The following LRP1B variants were observed in gnomAD, a reference collection of about 807,000 sequenced individuals.
The protein encoded by LRP1B is LDL receptor related protein 1B.
In LRP1B, 217 loss-of-function variants were observed where a neutral mutation model predicts 556.6. The observed-to-expected ratio is 0.39, with a 90% CI of 0.35 to 0.44. The LOEUF is 0.44. Among genes scored for constraint, LRP1B ranks in the 20% least tolerant of loss-of-function variants. The probability of loss-of-function intolerance (pLI) is 1.00; values close to 1 mark genes in which losing one functional copy is unlikely to be tolerated. For synonymous variants in LRP1B, 2,047 were observed against 1,865.8 expected, an observed-to-expected ratio of 1.10 and a Z score of -2.50; for missense variants, 5,053 against 5,620.8, an observed-to-expected ratio of 0.90 and a Z score of 3.23.
At chr2:141,192,390 G>A (rs1474836116) in intron 6 of LRP1B, among the ~76,000 whole-genome samples, 3 of 151,966 alleles carry the variant, frequency 2.0e-5, no homozygotes, top group Non-Finnish European at 2.9e-5. Context: ...ATTTTTAGGA[G>A]CGAAGTGAAT....
At chr2:140,889,172 GAAT>G (rs1312118863) in intron 23 of LRP1B, among the ~76,000 whole-genome samples, 1 of 152,148 alleles carries the variant, frequency 6.6e-6, no homozygotes, top group Non-Finnish European at 1.5e-5. Context: ...TAGTAATTGA[GAAT>G]ATTAAGAAAA....
intron 18 of LRP1B, among the ~76,000 whole-genome samples, chr2:140,954,600 C>A (rs768457742): frequency 3.3e-5 from 5 of 151,892 alleles, no homozygotes; most frequent in Non-Finnish European, 7.4e-5. Context: ...TAGATTTTAA[C>A]ACTAAAAAAC....
intron 2 of LRP1B, among the ~76,000 whole-genome samples, chr2:141,510,446 G>A (rs1684085041): frequency 6.6e-6 from 1 of 151,936 alleles, no homozygotes; most frequent in Non-Finnish European, 1.5e-5. Flanking sequence ...AAAATCCTAA[G>A]TTCCTTGGAT....
At chr2:140,533,202 G>A (rs1245130683) in intron 47 of LRP1B, among the ~76,000 whole-genome samples, 1 of 151,428 alleles carries the variant, frequency 6.6e-6, no homozygotes, top group East Asian at 1.9e-4. Context: ...TCCATTAAAA[G>A]TTTCTTTATC....
chr2:141,129,528 A>C (rs1351793605), intron 7 of LRP1B, among the ~76,000 whole-genome samples: 1 of 151,336 alleles, frequency 6.6e-6, no homozygotes, highest in Non-Finnish European at 1.5e-5. Context: ...AAACTAAGAT[A>C]AAAGCTGGCT....
At chr2:141,108,831 G>A (rs571208480) in intron 7 of LRP1B, among the ~76,000 whole-genome samples, 1 of 152,196 alleles carries the variant, frequency 6.6e-6, no homozygotes, top group South Asian at 2.1e-4. Flanking sequence ...AGGTATGTGG[G>A]CCAAGCTTCC....
At chr2:140,597,094 T>C (rs1193966170) in intron 43 of LRP1B, among the ~76,000 whole-genome samples, 1 of 152,150 alleles carries the variant, frequency 6.6e-6, no homozygotes, top group Non-Finnish European at 1.5e-5. Context: ...AAAAATTAAT[T>C]TGAATTCATA....
intron 35 of LRP1B, among the ~76,000 whole-genome samples, chr2:140,737,665 C>T (rs1283612323): frequency 6.6e-6 from 1 of 152,146 alleles, no homozygotes; most frequent in Non-Finnish European, 1.5e-5. Flanking sequence ...CCCAGATGGT[C>T]AAGACTGTAA....
Position 141,480,551 on chromosome 2 carries a change from A to AG in LRP1B, c.206-19dup. ...CTCGGGACCTGAAAAGATGTAAAAA[A>AG]GAACAGAATTATGTGTTAGCTTTTC... On this transcript the variant is annotated intron_variant, in intron 2 of 90. Transcript: ENST00000389484. The AG allele has an allele frequency of 6.2e-7, 1 of 1,613,540 alleles. No homozygotes were observed. The highest frequency in any genetic ancestry group is 8.5e-7 in the Non-Finnish European group (1 of 1,179,530).
chr2:141,091,170 G>A (rs1211572701), intron 7 of LRP1B, among the ~76,000 whole-genome samples: 1 of 151,246 alleles, frequency 6.6e-6, no homozygotes, highest in African/African-American at 2.4e-5. Context: ...ATCAGATAAA[G>A]AGAGAGAGAG....
intron 35 of LRP1B, among the ~76,000 whole-genome samples, chr2:140,729,240 A>AT (rs1687695804): frequency 6.6e-6 from 1 of 152,108 alleles, no homozygotes; most frequent in African/African-American, 2.4e-5. Context: ...ATCGCCTGTG[A>AT]TTTTTTAAAC....
chr2:142,104,725 G>C (rs1179917405), intron 1 of LRP1B, among the ~76,000 whole-genome samples: 3 of 152,082 alleles, frequency 2.0e-5, no homozygotes, highest in Non-Finnish European at 4.4e-5. Flanking sequence ...CTCATTCCAG[G>C]AAATAGTAAC....
rs762600641 is a variant in LRP1B, at chr2:140,501,861, G to C, written c.8676C>G (p.Asn2892Lys). 3.8e-6 allele frequency: 6 copies of C among 1,598,742 alleles called. No homozygotes were observed. Among genetic ancestry groups the C allele is most frequent in the Non-Finnish European group, 5.1e-6 (6 of 1,172,008 alleles). The change falls in exon 55 of 91, where the codon AAC becomes AAG. Residue 2892 changes from asparagine to lysine, a missense_variant. Asn to Lys is a moderately conservative substitution (Grantham distance 94). Coordinates refer to ENST00000389484, the MANE Select transcript of LRP1B (RefSeq NM_018557.3). ...CATTTTTGCACATAAAAAATGAACT[G>C]TTGCATGACTGTTCTGGAAAAAAAA... ...PKCKSAEQSCNSSFFMCKNGR... is the reference protein window; with the variant it reads ...PKCKSAEQSCKSSFFMCKNGR...
intron 7 of LRP1B, among the ~76,000 whole-genome samples, chr2:141,170,103 G>T (rs1211221311): frequency 6.6e-6 from 1 of 152,060 alleles, no homozygotes; most frequent in Non-Finnish European, 1.5e-5. Flanking sequence ...GACAGGAAAT[G>T]ATAGATATGA....
chr2:141,884,281 C>T (rs1171549297), intron 1 of LRP1B, among the ~76,000 whole-genome samples: 2 of 152,046 alleles, frequency 1.3e-5, no homozygotes, highest in Non-Finnish European at 2.9e-5. Flanking sequence ...AAGGCTGAGG[C>T]GGTAGGATTG....
At chr2:141,560,365 A>G (rs1686103003) in intron 2 of LRP1B, among the ~76,000 whole-genome samples, 3 of 151,758 alleles carry the variant, frequency 2.0e-5, no homozygotes, top group Admixed American at 1.3e-4. Context: ...TAGTACTTAA[A>G]TAGCTAAACC....
intron 7 of LRP1B, among the ~76,000 whole-genome samples, chr2:141,105,445 A>G (rs750132137): frequency 3.3e-5 from 5 of 152,126 alleles, no homozygotes; most frequent in Non-Finnish European, 5.9e-5. Context: ...TTAAAGAACT[A>G]ATTTTTCTAG....
At chr2:141,051,383 C>T (rs1024854079) in intron 10 of LRP1B, among the ~76,000 whole-genome samples, 5 of 151,944 alleles carry the variant, frequency 3.3e-5, no homozygotes, top group Admixed American at 6.6e-5. Flanking sequence ...ACCCAAATGC[C>T]CATCAATGAA....
At position 141,382,809 on chromosome 2, in the gene LRP1B, C is replaced by T. The variant is rs376152056; in HGVS notation, c.343+97587G>A. ...TTGGAGAAAGCTCTTTGACATTGGTCTCAGCAGTGATTTTTTGATATGACA... is the reference window on the plus strand; with the variant it reads ...TTGGAGAAAGCTCTTTGACATTGGTTTCAGCAGTGATTTTTTGATATGACA... On this transcript the variant is annotated intron_variant, in intron 3 of 90. Transcript: ENST00000389484. 4.6e-4 allele frequency among the ~76,000 whole-genome samples: 70 copies of T among 152,264 alleles called. 1 individual carries two copies. The highest frequency in any genetic ancestry group is 3.4e-3 in the Middle Eastern group (1 of 294).
Sources: gnomAD v4.1 joint callset for allele counts (sites outside exome capture counted in the v4.1 genomes callset) on GRCh38, gnomAD v4.1.1 for gene constraint, MANE v1.5 for transcripts, NCBI Gene and HGNC (gene_info 2026-07-23, HGNC 2026-07-21) for gene names.